PCNX4: variants seen among roughly 807,000 people sequenced by gnomAD.
PCNX4 encodes pecanex 4.
A neutral mutation model predicts 107.2 loss-of-function variants in PCNX4; 103 were observed. The observed-to-expected ratio is 0.96, with a 90% confidence interval of 0.82 to 1.13. The LOEUF (loss-of-function observed/expected upper bound fraction) is 1.13, where lower values mean the gene tolerates loss of function less well. Ranked by LOEUF, PCNX4 falls within the 50% of genes most tolerant of loss-of-function variation. PCNX4 has a pLI of 0.00. For synonymous variants in PCNX4, 541 were observed against 481.7 expected, an observed-to-expected ratio of 1.12 and a Z score of -1.61; for missense variants, 1,528 against 1,379.4, an observed-to-expected ratio of 1.11 and a Z score of -1.71.
At chr14:60,119,719 A>G (rs780037677) in intron 7 of PCNX4, among the ~76,000 whole-genome samples, 36 of 152,212 alleles carry the variant, frequency 2.4e-4, no homozygotes, top group Admixed American at 3.9e-4. Flanking sequence ...TAATTAGATA[A>G]AAATTATACT....
intron 6 of PCNX4, among the ~76,000 whole-genome samples, chr14:60,117,222 C>CT (rs1310937648): frequency 6.6e-6 from 1 of 152,194 alleles, no homozygotes; most frequent in Non-Finnish European, 1.5e-5. Flanking sequence ...CACTCACTCA[C>CT]TTAGAGCAAC....
At chr14:60,117,370 G>T (rs1283041183) in intron 6 of PCNX4, among the ~76,000 whole-genome samples, 1 of 152,114 alleles carries the variant, frequency 6.6e-6, no homozygotes, top group Non-Finnish European at 1.5e-5. Context: ...GATGCCTATG[G>T]TATTGAGTAC....
Position 60,115,947 on chromosome 14 carries a change from C to A in PCNX4, c.1465C>A (p.Gln489Lys), listed in dbSNP as rs767808117. 3.1e-6 allele frequency: 5 copies of A among 1,609,292 alleles called. No individual in the cohort carries two copies. Among genetic ancestry groups the A allele is most frequent in the Non-Finnish European group, 4.2e-6 (5 of 1,177,096 alleles). ...GFTRAFRMVW[Q>K]NTENALLETV... ...GATAATTTGTATACTGCAGGTATGG[C>A]AGAATACAGAAAATGCTTTATTGGA... The change falls in exon 6 of 11, where the codon CAG becomes AAG. Residue 489 changes from glutamine (Q) to lysine (K), a missense_variant. Coordinates refer to ENST00000406854, the MANE Select transcript of PCNX4 (RefSeq NM_001330177.2).
rs1896018143 is a variant in PCNX4, at chr14:60,124,730, T to C, written c.2559T>C (p.Ile853=). ...ATTTGCCAGGTACAAATTTGTTTATTCCAGGATCAGTAGAATCACAGAGGG... is the reference window on the plus strand; with the variant it reads ...ATTTGCCAGGTACAAATTTGTTTATCCCAGGATCAGTAGAATCACAGAGGG... ...LKDLPGTNLF[I]PGSVESQRVG... The change falls in exon 9 of 11, where the codon ATT becomes ATC. Residue 853 remains isoleucine (I), a synonymous_variant. Transcript: ENST00000406854. The C allele has an allele frequency of 6.2e-7, 1 of 1,613,128 alleles. No individual in the cohort carries two copies. Among genetic ancestry groups the C allele is most frequent in the Non-Finnish European group, 8.5e-7 (1 of 1,179,786 alleles).
chr14:60,132,718 T>TA (rs1402404521), intron 10 of PCNX4, among the ~76,000 whole-genome samples: 1 of 152,064 alleles, frequency 6.6e-6, no homozygotes, highest in Non-Finnish European at 1.5e-5. Context: ...AAGGGACTGT[T>TA]ACTAGAATAT....
At chr14:60,102,682 T>C (rs1895555699) in intron 1 of PCNX4, among the ~76,000 whole-genome samples, 2 of 152,230 alleles carry the variant, frequency 1.3e-5, no homozygotes, top group African/African-American at 4.8e-5. Context: ...TTTCACAGTT[T>C]TGTTTTTTTC....
intron 1 of PCNX4, among the ~76,000 whole-genome samples, chr14:60,102,675 C>T (rs541122226): frequency 3.9e-4 from 60 of 152,202 alleles, no homozygotes; most frequent in African/African-American, 1.2e-3. Flanking sequence ...GTTCTCTTTT[C>T]ACAGTTTTGT....
chr14:60,114,916 T>C, intron 3 of PCNX4, 37 bp downstream of exon 3: 1 of 1,567,018 alleles, frequency 6.4e-7, no homozygotes, highest in Non-Finnish European at 8.6e-7. Flanking sequence ...TATGTAATAT[T>C]CTTAAAGAAC....
intron 1 of PCNX4, among the ~76,000 whole-genome samples, chr14:60,094,251 T>A (rs1895374785): frequency 6.6e-6 from 1 of 152,262 alleles, no homozygotes; most frequent in South Asian, 2.1e-4. Context: ...GGCTTAGCCA[T>A]CAAAAGCGTC....
At chr14:60,132,021 A>C (rs1896163318) in intron 10 of PCNX4, among the ~76,000 whole-genome samples, 1 of 152,224 alleles carries the variant, frequency 6.6e-6, no homozygotes, top group South Asian at 2.1e-4. Flanking sequence ...TGCAACAATT[A>C]TTACCACAAA....
intron 10 of PCNX4, chr14:60,133,547 C>A: frequency 2.5e-6 from 1 of 395,982 alleles, no homozygotes; most frequent in Non-Finnish European, 4.9e-6. Context: ...ATAATAAAAG[C>A]CACTGAATTG....
At chr14:60,101,776 C>G (rs1205659947) in intron 1 of PCNX4, among the ~76,000 whole-genome samples, 2 of 152,032 alleles carry the variant, frequency 1.3e-5, no homozygotes, top group Non-Finnish European at 2.9e-5. Flanking sequence ...TAATTGAAAT[C>G]AAGATAAAAG....
At chr14:60,131,184 A>G (rs1024128101) in intron 10 of PCNX4, among the ~76,000 whole-genome samples, 2 of 152,196 alleles carry the variant, frequency 1.3e-5, no homozygotes, top group African/African-American at 4.8e-5. Flanking sequence ...CACCTAGTCT[A>G]TGGTATTTAG....
At chr14:60,104,152 C>G (rs1268678930) in intron 1 of PCNX4, among the ~76,000 whole-genome samples, 1 of 151,922 alleles carries the variant, frequency 6.6e-6, no homozygotes, top group Admixed American at 6.6e-5. Flanking sequence ...AACCCCGTCT[C>G]CACTAAAAAT....
At chr14:60,132,912 A>G (rs962565155) in intron 10 of PCNX4, among the ~76,000 whole-genome samples, 5 of 152,212 alleles carry the variant, frequency 3.3e-5, no homozygotes, top group Non-Finnish European at 7.4e-5. Flanking sequence ...CACTTCACAC[A>G]CACAGGATGG....
chr14:60,093,729 A>G (rs950252936), intron 1 of PCNX4, among the ~76,000 whole-genome samples: 12 of 152,174 alleles, frequency 7.9e-5, no homozygotes, highest in Admixed American at 4.6e-4. Context: ...ACTGGGTTAT[A>G]TGGTAACTCT....
chr14:60,126,796 CTT>C (rs1204172490), intron 10 of PCNX4, among the ~76,000 whole-genome samples: 1 of 152,208 alleles, frequency 6.6e-6, no homozygotes. Context: ...GGGATGGAGA[CTT>C]TATCTTGGGT....
At chr14:60,122,744 C>T (rs1175179048) in intron 8 of PCNX4, among the ~76,000 whole-genome samples, 1 of 152,236 alleles carries the variant, frequency 6.6e-6, no homozygotes, top group Non-Finnish European at 1.5e-5. Flanking sequence ...AGGAATACAT[C>T]CTAAGCCCCT....
chr14:60,097,855 C>G lies in PCNX4; in HGVS notation c.-54+5436C>G, dbSNP rs537423989. 4.8e-4 allele frequency among the ~76,000 whole-genome samples: 73 copies of G among 152,316 alleles called. 1 individual carries two copies. In the South Asian group the frequency reaches 0.014, roughly 29 times the overall value. Reference sequence around the variant, plus strand: ...TTCACACACAACTACCCAAAAACATCTACAGTGTTATTTCTGCAGTCAATC... The same window carrying G: ...TTCACACACAACTACCCAAAAACATGTACAGTGTTATTTCTGCAGTCAATC... On this transcript the variant is annotated intron_variant, in intron 1 of 10. Coordinates refer to ENST00000406854, the MANE Select transcript of PCNX4 (RefSeq NM_001330177.2).
Sources: gnomAD v4.1 joint callset for allele counts (sites outside exome capture counted in the v4.1 genomes callset) on GRCh38, gnomAD v4.1.1 for gene constraint, MANE v1.5 for transcripts, NCBI Gene and HGNC (gene_info 2026-07-23, HGNC 2026-07-21) for gene names.